SKAP1: variants seen among roughly 807,000 people sequenced by gnomAD.
The protein encoded by SKAP1 is src kinase-associated phosphoprotein 1.
In SKAP1, 44 loss-of-function variants were observed where a neutral mutation model predicts 58.5. The observed-to-expected ratio is 0.75, with a 90% CI of 0.59 to 0.97. The LOEUF is 0.97. SKAP1 is among the 50% of genes least tolerant of loss of function. The probability of loss-of-function intolerance (pLI) is 0.00; values close to 1 mark genes in which losing one functional copy is unlikely to be tolerated. For missense variants in SKAP1, 390 were observed against 435.2 expected, an observed-to-expected ratio of 0.90 and a Z score of 0.92; for synonymous variants, 127 against 149.7, an observed-to-expected ratio of 0.85 and a Z score of 1.11.
At chr17:48,345,637 C>T (rs2066712998) in intron 4 of SKAP1, among the ~76,000 whole-genome samples, 1 of 152,160 alleles carries the variant, frequency 6.6e-6, no homozygotes, top group Non-Finnish European at 1.5e-5. Flanking sequence ...TATTGAGCTA[C>T]GGTTTTTATA....
At chr17:48,174,999 G>A (rs563111350) in intron 9 of SKAP1, among the ~76,000 whole-genome samples, 4 of 152,302 alleles carry the variant, frequency 2.6e-5, no homozygotes, top group Non-Finnish European at 5.9e-5. Flanking sequence ...CATCACAAAT[G>A]AGCATCAGTA....
chr17:48,441,295 C>G, the SKAP1 span, among the ~76,000 whole-genome samples: 1 of 152,122 alleles, frequency 6.6e-6, no homozygotes, highest in Non-Finnish European at 1.5e-5. Context: ...CTTTTACCTA[C>G]AGAGAGAAAC....
chr17:48,274,165 G>A (rs2144000567), intron 4 of SKAP1, among the ~76,000 whole-genome samples: 1 of 152,288 alleles, frequency 6.6e-6, no homozygotes, highest in South Asian at 2.1e-4. Flanking sequence ...GAGGTGAGCA[G>A]ATCACTTAAG....
intron 4 of SKAP1, among the ~76,000 whole-genome samples, chr17:48,273,445 TGG>T (rs1429651650): frequency 6.6e-6 from 1 of 151,042 alleles, no homozygotes. Context: ...TCTTTTGAGA[TGG>T]AGCTTGCTCT....
At chr17:48,371,602 G>A (rs2067086039) in intron 2 of SKAP1, among the ~76,000 whole-genome samples, 1 of 129,834 alleles carries the variant, frequency 7.7e-6, no homozygotes, top group South Asian at 2.7e-4. Context: ...AGGTTGCTTG[G>A]ATCCAGGAGT....
At chr17:48,387,863 A>G (rs1438340942) in intron 2 of SKAP1, among the ~76,000 whole-genome samples, 2 of 152,172 alleles carry the variant, frequency 1.3e-5, no homozygotes, top group Non-Finnish European at 2.9e-5. Flanking sequence ...CCCAGGTAGA[A>G]TGTTCGAATT....
intron 9 of SKAP1, among the ~76,000 whole-genome samples, chr17:48,175,273 A>C (rs536381640): frequency 6.6e-6 from 1 of 152,358 alleles, no homozygotes; most frequent in South Asian, 2.1e-4. Context: ...GAAAGTGATA[A>C]AAGCTTCAAA....
intron 4 of SKAP1, among the ~76,000 whole-genome samples, chr17:48,223,410 T>C (rs965616189): frequency 5.9e-5 from 9 of 152,242 alleles, no homozygotes; most frequent in Admixed American, 2.6e-4. Flanking sequence ...AGCACTTCTC[T>C]GAATTATGTG....
chr17:48,371,603 A>T (rs2067086074), intron 2 of SKAP1, among the ~76,000 whole-genome samples: 1 of 129,306 alleles, frequency 7.7e-6, no homozygotes, highest in Non-Finnish European at 1.6e-5. Context: ...GGTTGCTTGG[A>T]TCCAGGAGTT....
intron 11 of SKAP1, among the ~76,000 whole-genome samples, chr17:48,142,290 T>C (rs1256501467): frequency 6.6e-6 from 1 of 152,106 alleles, no homozygotes; most frequent in Admixed American, 6.6e-5. Context: ...GGTGAAACCC[T>C]GTCTCTATTA....
At chr17:48,156,656 T>C (rs549886895) in intron 11 of SKAP1, 12 of 255,540 alleles carry the variant, frequency 4.7e-5, no homozygotes, top group African/African-American at 2.3e-4. Flanking sequence ...TGGAACTCAG[T>C]GAATTAAGTG....
chr17:48,296,875 AC>A (rs912277529), intron 4 of SKAP1, among the ~76,000 whole-genome samples: 2 of 152,028 alleles, frequency 1.3e-5, no homozygotes, highest in African/African-American at 4.8e-5. Flanking sequence ...AGCTTCAGAA[AC>A]TGAAGCCATT....
chr17:48,317,758 T>C (rs1038575596), intron 4 of SKAP1, among the ~76,000 whole-genome samples: 4 of 152,188 alleles, frequency 2.6e-5, no homozygotes, highest in Admixed American at 2.6e-4. Flanking sequence ...TGGATATGTG[T>C]TTTATGCTTA....
chr17:48,160,628 A>AG (rs1567799455), intron 11 of SKAP1, among the ~76,000 whole-genome samples: 9 of 152,028 alleles, frequency 5.9e-5, no homozygotes, highest in African/African-American at 2.2e-4. Context: ...CCCAGTGAGA[A>AG]GCCATTAACA....
At chr17:48,258,697 C>G (rs1323445727) in intron 4 of SKAP1, among the ~76,000 whole-genome samples, 2 of 152,100 alleles carry the variant, frequency 1.3e-5, no homozygotes, top group Admixed American at 6.6e-5. Context: ...ATGGAACACA[C>G]AGCAAAGACT....
chr17:48,137,033 A>G, intron 12 of SKAP1, 196 bp downstream of exon 12: 1 of 502,186 alleles, frequency 2.0e-6, no homozygotes, highest in Non-Finnish European at 3.6e-6. Context: ...CCTTATCCTA[A>G]GTGACACTGT....
intron 2 of SKAP1, chr17:48,377,432 G>T (rs1298097849): frequency 1.3e-5 from 2 of 151,568 alleles, no homozygotes; most frequent in African/African-American, 4.9e-5. Context: ...AAAAAAATTA[G>T]CCATGTGTAG....
At chr17:48,341,338 G>T (rs903445955) in intron 4 of SKAP1, among the ~76,000 whole-genome samples, 5 of 151,964 alleles carry the variant, frequency 3.3e-5, no homozygotes, top group Admixed American at 3.3e-4. Context: ...AAACAGTTTT[G>T]TTTAAAATAG....
intron 9 of SKAP1, among the ~76,000 whole-genome samples, chr17:48,173,542 G>A (rs1330799016): frequency 6.6e-6 from 1 of 152,164 alleles, no homozygotes; most frequent in Non-Finnish European, 1.5e-5. Flanking sequence ...AAACATTAGA[G>A]GAAAAGTTGG....
Sources: gnomAD v4.1 joint callset for allele counts (sites outside exome capture counted in the v4.1 genomes callset) on GRCh38, gnomAD v4.1.1 for gene constraint, MANE v1.5 for transcripts, NCBI Gene and HGNC (gene_info 2026-07-23, HGNC 2026-07-21) for gene names.